Variants in NKTR observed in about 807,000 individuals in gnomAD.
The protein encoded by NKTR is natural killer cell triggering receptor.
NKTR carries 67 observed loss-of-function variants against 156.3 expected under a neutral mutation model. That is an observed-to-expected ratio of 0.43 (90% CI 0.35 to 0.53). The LOEUF is 0.53. Among genes scored for constraint, NKTR ranks in the 20% least tolerant of loss-of-function variants. The pLI is 0.01. For synonymous variants in NKTR, 640 were observed against 596.6 expected, an observed-to-expected ratio of 1.07 and a Z score of -1.06; for missense variants, 1,604 against 1,730.9, an observed-to-expected ratio of 0.93 and a Z score of 1.30.
Position 42,637,155 on chromosome 3 carries a change from G to T in NKTR, c.1451G>T (p.Ser484Ile). The change falls in exon 13 of 17, where the codon AGT becomes ATT. Residue 484 changes from serine (S) to isoleucine (I), a missense_variant. Physicochemically the swap from Ser to Ile is moderately radical, Grantham distance 142. This residue lies in a region of NKTR where 1,255 missense variants were observed against 1,243.7 expected (regional missense o/e 1.01). Coordinates refer to ENST00000232978, the MANE Select transcript of NKTR (RefSeq NM_005385.4). ...AAATCCTCTTGTGATAGAGAAAGGA[G>T]TTCTCGTTCTTCCTCATTGTCATCT... The part of the protein sequence containing the change: ...RMKSSCDRER[S>I]SRSSSLSSHH... 6.2e-7 allele frequency: 1 copy of T among 1,612,032 alleles called. No individual in the cohort carries two copies. Among genetic ancestry groups the T allele is most frequent in the Non-Finnish European group, 8.5e-7 (1 of 1,179,480 alleles).
At position 42,634,629 on chromosome 3, in the gene NKTR, G is replaced by A; in HGVS notation, c.946G>A (p.Ala316Thr). 6.3e-7 allele frequency: 1 copy of A among 1,581,108 alleles called. No individual in the cohort carries two copies. Among genetic ancestry groups the A allele is most frequent in the Non-Finnish European group, 8.6e-7 (1 of 1,161,028 alleles). Residue 316 changes from alanine to threonine, a missense_variant, in exon 11 of 17, where the codon GCA (alanine) becomes ACA (threonine). Ala to Thr is a moderately conservative substitution (Grantham distance 58). Transcript: ENST00000232978. Reference sequence around the variant, plus strand: ...TTTTCCTAGGAAGATTCCTGATGTTGCACCCATTGTAAGTGATCAGAAACC... The same window carrying A: ...TTTTCCTAGGAAGATTCCTGATGTTACACCCATTGTAAGTGATCAGAAACC... The part of the protein sequence containing the change: ...AEPEPKIPDV[A>T]PIVSDQKPSV...
chr3:42,601,328 G>A (rs933553671), intron 2 of NKTR: 3 of 339,362 alleles, frequency 8.8e-6, no homozygotes, highest in Admixed American at 4.9e-5. Flanking sequence ...CTGGCGCCAA[G>A]AAAAGGAGGT....
rs780397985 is a variant in NKTR at position 42,639,570 on chromosome 3, G to A, written c.3866G>A (p.Arg1289His). The A allele has an allele frequency of 8.7e-6, 14 of 1,614,064 alleles. No individual in the cohort carries two copies. The highest frequency in any genetic ancestry group is 5.0e-5 in the Admixed American group (3 of 60,012). The change falls in exon 13 of 17, where the codon CGT (arginine) becomes CAT (histidine). Residue 1289 changes from arginine (R) to histidine (H), a missense_variant. This residue lies in a region of NKTR where 18 missense variants were observed against 41.9 expected (regional missense o/e 0.43). Coordinates refer to ENST00000232978, the MANE Select transcript of NKTR (RefSeq NM_005385.4). The part of the protein sequence containing the change: ...DEVRKTARLN[R>H]RPRNQESSSD... The stretch of plus-strand genomic sequence containing the variant: ...GTAAGAAAGACAGCACGCTTAAACC[G>A]TAGACCAAGAAATCAGGAGAGTTCA...
At chr3:42,626,797 C>T (rs1414137287) in intron 6 of NKTR, among the ~76,000 whole-genome samples, 1 of 152,070 alleles carries the variant, frequency 6.6e-6, no homozygotes, top group African/African-American at 2.4e-5. Context: ...TTTTTGCTTT[C>T]AACTGGTAGT....
chr3:42,624,861 A>G (rs775893341), intron 6 of NKTR, among the ~76,000 whole-genome samples: 6 of 152,144 alleles, frequency 3.9e-5, no homozygotes, highest in Non-Finnish European at 7.4e-5. Context: ...TTGTCTTTAT[A>G]TACATTAATC....
intron 1 of NKTR, 21 bp from the exon 2 acceptor site, chr3:42,600,962 CT>C: frequency 1.3e-6 from 2 of 1,497,946 alleles, no homozygotes; most frequent in East Asian, 2.7e-5. Flanking sequence ...GCCCTGACCG[CT>C]TTTCTCCCCC....
chr3:42,615,866 T>G (rs651180), intron 2 of NKTR, among the ~76,000 whole-genome samples: 38,441 of 149,566 alleles, frequency 0.26, 5,372 homozygotes, highest in East Asian at 0.47. Flanking sequence ...TATTATAGGG[T>G]TTTTTTTTAA....
rs558681326 is a variant in NKTR, at chr3:42,633,623, T to G, written c.817T>G (p.Ser273Ala). Residue 273 changes from serine (S) to alanine (A), a missense_variant, in exon 10 of 17, where the codon TCC becomes GCC. Around this residue, in one of 6 missense-constraint regions of NKTR, gnomAD observed 1,255 missense variants for 1,243.7 expected, o/e 1.01. Transcript: ENST00000232978. ...TACCAATGAAAAAAGGTCAGTTGAT[T>G]CCAGTGCTAAAAGGGAAAAACCTGT... Reference protein sequence around the residue: ...SDTNEKRSVDSSAKREKPVVR... With the variant: ...SDTNEKRSVDASAKREKPVVR... The G allele has an allele frequency of 6.7e-5, 108 of 1,614,166 alleles. 1 individual carries two copies. The South Asian group carries it at 1.1e-3, about 17-fold the overall frequency.
Position 42,636,877 on chromosome 3 carries a change from C to A in NKTR, c.1173C>A (p.Asp391Glu). ...TATGTCCTTTCTATAGGTTAAGTGA[C>A]CCCTGTTCAAGCCGATGGGATGAAA... ...EKWSKGDKLSDPCSSRWDERS... is the reference protein window; with the variant it reads ...EKWSKGDKLSEPCSSRWDERS... Residue 391 changes from aspartate to glutamate, a missense_variant, in exon 13 of 17, where the codon GAC (aspartate) becomes GAA (glutamate). Around this residue, in one of 6 missense-constraint regions of NKTR, gnomAD observed 1,255 missense variants for 1,243.7 expected, o/e 1.01. Coordinates refer to ENST00000232978, the MANE Select transcript of NKTR (RefSeq NM_005385.4). The A allele has an allele frequency of 6.4e-7, 1 of 1,564,462 alleles. No homozygotes were observed. The highest frequency in any genetic ancestry group is 8.6e-7 in the Non-Finnish European group (1 of 1,162,968).
rs946685188 is a variant in NKTR at position 42,639,302 on chromosome 3, A to G, written c.3598A>G (p.Ser1200Gly). 1 of 1,614,144 alleles carries G rather than the reference A, an allele frequency of 6.2e-7. No individual in the cohort carries two copies. The highest frequency in any genetic ancestry group is 8.5e-7 in the Non-Finnish European group (1 of 1,179,994). The change falls in exon 13 of 17, where the codon AGC (serine) becomes GGC (glycine). Residue 1200 changes from serine to glycine, a missense_variant. By Grantham distance (56) the Ser-to-Gly change is moderately conservative. Transcript: ENST00000232978. ...EVGKQDSSSA[S>G]LASAGESTGK... ...GGGGAAACAGGACAGCAGCTCTGCTAGCTTGGCTAGTGCTGGAGAAAGTAC... is the reference window on the plus strand; with the variant it reads ...GGGGAAACAGGACAGCAGCTCTGCTGGCTTGGCTAGTGCTGGAGAAAGTAC...
At chr3:42,604,218 C>T (rs934385188) in intron 2 of NKTR, among the ~76,000 whole-genome samples, 81 of 152,220 alleles carry the variant, frequency 5.3e-4, no homozygotes, top group African/African-American at 1.7e-3. Flanking sequence ...GAGGTTTATT[C>T]ATTATACATT....
At chr3:42,620,727 A>T (rs753916589) in intron 5 of NKTR, 2 of 983,456 alleles carry the variant, frequency 2.0e-6, no homozygotes, top group Non-Finnish European at 2.4e-6. Context: ...CCTTTGAACT[A>T]GTAGGAAACA....
At chr3:42,608,130 C>G (rs928664505) in intron 2 of NKTR, among the ~76,000 whole-genome samples, 3 of 151,528 alleles carry the variant, frequency 2.0e-5, no homozygotes, top group African/African-American at 4.8e-5. Context: ...GCTGCGATTA[C>G]AGGTGCCCAC....
intron 5 of NKTR, chr3:42,621,062 A>G: frequency 2.0e-6 from 2 of 985,152 alleles, no homozygotes; most frequent in Non-Finnish European, 2.4e-6. Flanking sequence ...CACATTAGGC[A>G]AGCTAATTGG....
chr3:42,643,579 T>C, intron 15 of NKTR, 184 bp downstream of exon 15: 1 of 631,794 alleles, frequency 1.6e-6, no homozygotes, highest in Non-Finnish European at 2.9e-6. Flanking sequence ...TACTCCAGTG[T>C]CAAAAATGAC....
intron 2 of NKTR, among the ~76,000 whole-genome samples, chr3:42,614,485 C>G (rs115059555): frequency 1.7e-4 from 25 of 150,168 alleles, no homozygotes; most frequent in African/African-American, 5.9e-4. Context: ...TTTTGAGTTT[C>G]AGAATAGAAG....
intron 2 of NKTR, among the ~76,000 whole-genome samples, chr3:42,616,126 C>T (rs942193474): frequency 9.9e-5 from 15 of 152,034 alleles, no homozygotes; most frequent in Admixed American, 7.2e-4. Flanking sequence ...AGGAACTGAC[C>T]GATATGGCCA....
chr3:42,607,343 G>A (rs1304876784), intron 2 of NKTR, among the ~76,000 whole-genome samples: 1 of 152,180 alleles, frequency 6.6e-6, no homozygotes, highest in Non-Finnish European at 1.5e-5. Flanking sequence ...TCAGAAAGTA[G>A]TCATCAGTGG....
chr3:42,620,999 A>G, intron 5 of NKTR: 1 of 950,966 alleles, frequency 1.1e-6, no homozygotes, highest in Non-Finnish European at 1.3e-6. Flanking sequence ...TAATAAATTT[A>G]CCGTATAAAA....
Sources: gnomAD v4.1 joint callset for allele counts (sites outside exome capture counted in the v4.1 genomes callset) on GRCh38, gnomAD v4.1.1 for gene constraint, gnomAD v4.1.1 regional missense constraint, MANE v1.5 for transcripts, NCBI Gene and HGNC (gene_info 2026-07-23, HGNC 2026-07-21) for gene names.